The following PTPRG variants were observed in gnomAD, a reference collection of about 807,000 sequenced individuals.
PTPRG encodes receptor-type tyrosine-protein phosphatase gamma.
Under a neutral mutation model 165.3 loss-of-function variants are expected in PTPRG, and 102 were observed. That is an observed-to-expected ratio of 0.62 (90% CI 0.53 to 0.73). The LOEUF is 0.73. Among genes scored for constraint, PTPRG ranks in the 30% least tolerant of loss-of-function variants. PTPRG has a pLI of 0.00. For missense variants in PTPRG, 1,866 were observed against 1,861.4 expected (o/e 1.00, Z -0.05); for synonymous variants, 675 against 669.5 (o/e 1.01, Z -0.13).
intron 28 of PTPRG, among the ~76,000 whole-genome samples, chr3:62,285,553 G>A (rs938371978): frequency 4.0e-5 from 6 of 150,084 alleles, no homozygotes; most frequent in African/African-American, 1.5e-4. Flanking sequence ...GTGTGTCCCA[G>A]GTGGATGACA....
At chr3:62,084,336 T>A (rs1424131295) in intron 5 of PTPRG, among the ~76,000 whole-genome samples, 1 of 152,250 alleles carries the variant, frequency 6.6e-6, no homozygotes, top group Non-Finnish European at 1.5e-5. Context: ...CTCCTTCTAC[T>A]GGGAGAGTTG....
intron 5 of PTPRG, among the ~76,000 whole-genome samples, chr3:62,099,793 C>CTTTTTTT (rs759385441): frequency 5.1e-4 from 46 of 90,750 alleles, no homozygotes; most frequent in East Asian, 1.0e-3. Flanking sequence ...AGTGTTAAAT[C>CTTTTTTT]TTTTTTTTTT....
At chr3:62,001,686 A>G (rs1451684056) in intron 3 of PTPRG, among the ~76,000 whole-genome samples, 2 of 152,098 alleles carry the variant, frequency 1.3e-5, no homozygotes, top group Non-Finnish European at 1.5e-5. Context: ...TAAGTTTCCC[A>G]TTTTTACATT....
In PTPRG at chr3:61,868,369, G is replaced by A. The variant is rs771038669; in HGVS notation, c.190+119387G>A. Among the ~76,000 whole-genome samples, 48 of 152,122 alleles carry A rather than the reference G, an allele frequency of 3.2e-4. 1 individual carries two copies. Among genetic ancestry groups the A allele is most frequent in the African/African-American group, 9.7e-5 (4 of 41,428 alleles). On this transcript the variant is annotated intron_variant, in intron 2 of 29. Transcript: ENST00000474889. The stretch of plus-strand genomic sequence containing the variant: ...GAAATCCCTGAGTGCTAGAAGAAAG[G>A]CATCATATCATCTTGTCCCTGGTTA...
intron 1 of PTPRG, among the ~76,000 whole-genome samples, chr3:61,728,635 CACAGTA>C (rs1277360794): frequency 6.6e-6 from 1 of 151,974 alleles, no homozygotes; most frequent in Non-Finnish European, 1.5e-5. Context: ...CTAGCACACA[CACAGTA>C]AGTTTTCAAT....
In PTPRG at chr3:62,139,948, C is replaced by T. The variant is rs76095162; in HGVS notation, c.682+7280C>T. On this transcript the variant is annotated intron_variant, in intron 6 of 29. Coordinates refer to ENST00000474889, the MANE Select transcript of PTPRG (RefSeq NM_002841.4). ...AAGCATTTCCAGAGAGTGGAGAAAG[C>T]TATCTGAGAAACTCCACATCATTCA... Among the ~76,000 whole-genome samples, 55 of 152,330 alleles carry T rather than the reference C, an allele frequency of 3.6e-4. 1 individual carries two copies. The highest frequency in any genetic ancestry group is 1.3e-3 in the African/African-American group (54 of 41,586).
intron 1 of PTPRG, among the ~76,000 whole-genome samples, chr3:61,652,339 A>C (rs572248858): frequency 3.3e-5 from 5 of 152,186 alleles, no homozygotes; most frequent in Non-Finnish European, 7.3e-5. Flanking sequence ...TGAAGAATCA[A>C]ATAAATAGTG....
rs536951484 is a variant in PTPRG at position 62,105,587 on chromosome 3, G to A, written c.616-27015G>A. Among the ~76,000 whole-genome samples the A allele has an allele frequency of 1.1e-4, 16 of 152,252 alleles. No individual in the cohort carries two copies. In the South Asian group the frequency reaches 3.3e-3, roughly 32 times the overall value. ...TCTAGAGAGGCATTTAAGAATAGAA[G>A]GTTTCCTGAAGACTTTCTGGAGGAG... On this transcript the variant is annotated intron_variant, in intron 5 of 29. Coordinates refer to ENST00000474889, the MANE Select transcript of PTPRG (RefSeq NM_002841.4).
At chr3:62,015,771 G>T (rs986239940) in intron 4 of PTPRG, among the ~76,000 whole-genome samples, 6 of 152,176 alleles carry the variant, frequency 3.9e-5, no homozygotes, top group Non-Finnish European at 7.3e-5. Flanking sequence ...GGGCCACAGA[G>T]GAGTGTTTTG....
chr3:61,691,346 A>G (rs1418516704), intron 1 of PTPRG, among the ~76,000 whole-genome samples: 1 of 152,168 alleles, frequency 6.6e-6, no homozygotes, highest in Non-Finnish European at 1.5e-5. Context: ...CATAAAGGCT[A>G]CAGTGAGTTG....
At chr3:61,582,590 A>G (rs2066109809) in intron 1 of PTPRG, among the ~76,000 whole-genome samples, 1 of 152,164 alleles carries the variant, frequency 6.6e-6, no homozygotes, top group South Asian at 2.1e-4. Flanking sequence ...TTAACCATGT[A>G]TTCTGTGTTT....
intron 4 of PTPRG, among the ~76,000 whole-genome samples, chr3:62,074,565 T>A (rs969263788): frequency 1.3e-5 from 2 of 151,978 alleles, no homozygotes; most frequent in Admixed American, 6.6e-5. Flanking sequence ...GGCCTCAAAC[T>A]CCTGTTCTCA....
chr3:61,930,976 A>C (rs1318226347), intron 2 of PTPRG, among the ~76,000 whole-genome samples: 2 of 152,148 alleles, frequency 1.3e-5, no homozygotes, highest in African/African-American at 4.8e-5. Context: ...CAGAAGAATC[A>C]CTTGAACCTG....
chr3:62,286,404 T>C (rs9842934), intron 28 of PTPRG, among the ~76,000 whole-genome samples: 85,511 of 151,944 alleles, frequency 0.56, 24,524 homozygotes, highest in African/African-American at 0.63. Flanking sequence ...GTTATAACTC[T>C]GGATAGCAAT....
chr3:62,013,991 A>G (rs1362265871), intron 4 of PTPRG, among the ~76,000 whole-genome samples: 2 of 152,074 alleles, frequency 1.3e-5, no homozygotes, highest in African/African-American at 2.4e-5. Context: ...GGTCAAGAGG[A>G]TTTATGGGCC....
chr3:62,248,399 G>A (rs1701338730), intron 15 of PTPRG, among the ~76,000 whole-genome samples: 1 of 152,112 alleles, frequency 6.6e-6, no homozygotes, highest in African/African-American at 2.4e-5. Context: ...CATTGTTTCG[G>A]TGTGAGGATA....
intron 7 of PTPRG, 29 bp from the exon 8 acceptor site, chr3:62,167,942 C>A (rs199917960): frequency 3.5e-6 from 5 of 1,423,866 alleles, no homozygotes; most frequent in Non-Finnish European, 3.9e-6. Flanking sequence ...TTTTTTTTTT[C>A]CCCCTCCCCT....
chr3:61,621,031 G>GTT (rs1701436123), intron 1 of PTPRG, among the ~76,000 whole-genome samples: 2 of 91,478 alleles, frequency 2.2e-5, no homozygotes, highest in Non-Finnish European at 4.7e-5. Flanking sequence ...CAGTGTGTGT[G>GTT]TGTATATATA....
intron 1 of PTPRG, chr3:61,739,003 T>G (rs1330802395): frequency 8.3e-6 from 1 of 120,852 alleles, no homozygotes; most frequent in Non-Finnish European, 1.7e-5. Context: ...TTTTTTTTTT[T>G]TGGTAGAGAT....
Sources: gnomAD v4.1 joint callset for allele counts (sites outside exome capture counted in the v4.1 genomes callset) on GRCh38, gnomAD v4.1.1 for gene constraint, MANE v1.5 for transcripts, NCBI Gene and HGNC (gene_info 2026-07-23, HGNC 2026-07-21) for gene names.